Variants in INTS10 observed in about 807,000 individuals in gnomAD.
The protein encoded by INTS10 is integrator complex subunit 10.
In INTS10, 44 loss-of-function variants were observed where a neutral mutation model predicts 94.4. The observed-to-expected ratio is 0.47, with a 90% confidence interval of 0.37 to 0.60. The LOEUF (loss-of-function observed/expected upper bound fraction) is 0.60, where lower values mean the gene tolerates loss of function less well. INTS10 is among the 20% of genes least tolerant of loss of function. The probability of loss-of-function intolerance (pLI) is 0.00; values close to 1 mark genes in which losing one functional copy is unlikely to be tolerated. For missense variants in INTS10, 797 were observed against 868.7 expected, an observed-to-expected ratio of 0.92 and a Z score of 1.04; for synonymous variants, 341 against 320.7, an observed-to-expected ratio of 1.06 and a Z score of -0.68.
Position 19,849,352 on chromosome 8 carries a change from T to C in INTS10, c.1977-2297T>C. 2.6e-6 allele frequency: 1 copy of C among 391,220 alleles called. No homozygotes were observed. Among genetic ancestry groups the C allele is most frequent in the Non-Finnish European group, 4.5e-6 (1 of 223,226 alleles). The allele number at this position is 391,220 out of a possible 1,614,324, so 24.2% of individuals were successfully genotyped here. On this transcript the variant is annotated intron_variant, in intron 16 of 16. Coordinates refer to ENST00000397977, the MANE Select transcript of INTS10 (RefSeq NM_018142.4). This position sits in a 1 kb window ranked among gnomAD's most constrained non-coding sequence, Gnocchi z 4.6. ...CTCTTTTTCATGCTTTCTTTCTTTT[T>C]TAATTTGTTCCGCATTTTGGCAAAC...
chr8:19,836,269 A>G (rs567793847), intron 12 of INTS10, among the ~76,000 whole-genome samples: 6 of 152,228 alleles, frequency 3.9e-5, no homozygotes, highest in African/African-American at 1.4e-4. Context: ...ATAGAGAACA[A>G]AAGGGTTTGC....
At chr8:19,823,800 C>A in intron 6 of INTS10, 73 bp from the exon 7 acceptor site, 8 of 1,332,458 alleles carry the variant, frequency 6.0e-6, no homozygotes, top group Non-Finnish European at 8.2e-6. Context: ...GGGAGTCAGA[C>A]TTTCTTTATC....
chr8:19,833,390 C>T (rs1324411390), intron 12 of INTS10, 69 bp downstream of exon 12: 3 of 1,246,266 alleles, frequency 2.4e-6, no homozygotes, highest in Non-Finnish European at 3.2e-6. Flanking sequence ...CTTTCCCTAG[C>T]GTGGCTTTTC....
At chr8:19,829,985 C>T (rs1248794803) in intron 9 of INTS10, among the ~76,000 whole-genome samples, 2 of 152,070 alleles carry the variant, frequency 1.3e-5, no homozygotes. Context: ...TTAATTTTAT[C>T]CCAGTACATG....
At chr8:19,828,872 G>T (rs1163327660) in intron 9 of INTS10, among the ~76,000 whole-genome samples, 1 of 152,062 alleles carries the variant, frequency 6.6e-6, no homozygotes, top group African/African-American at 2.4e-5. Context: ...GACAGGTTTT[G>T]ATTGGAAAAG....
At chr8:19,825,638 G>A (rs370702705) in intron 8 of INTS10, among the ~76,000 whole-genome samples, 2 of 152,126 alleles carry the variant, frequency 1.3e-5, no homozygotes, top group Admixed American at 1.3e-4. Flanking sequence ...TATATAGAGA[G>A]TATATGCATA....
intron 13 of INTS10, among the ~76,000 whole-genome samples, chr8:19,840,062 CAAAAAAAAAA>C (rs56275270): frequency 4.3e-5 from 3 of 70,316 alleles, no homozygotes; most frequent in Middle Eastern, 0.013. Flanking sequence ...GACCTTGTCT[CAAAAAAAAAA>C]AAAAAAAAAA....
chr8:19,845,167 A>C (rs1182828854), intron 15 of INTS10, among the ~76,000 whole-genome samples: 4 of 152,194 alleles, frequency 2.6e-5, no homozygotes, highest in Admixed American at 2.6e-4. Flanking sequence ...TGTCATCGAC[A>C]TATTGCATAA....
rs1017073396 is a variant in INTS10 at position 19,842,968 on chromosome 8, C to A, written c.1719+41C>A. The A allele has an allele frequency of 6.4e-5, 84 of 1,305,452 alleles. No individual in the cohort carries two copies. The Admixed American group carries it at 1.2e-3, about 19-fold the overall frequency. 80.9% of individuals were successfully genotyped at this position (1,305,452 alleles called of 1,614,324 possible). On this transcript the variant is annotated intron_variant, in intron 14 of 16. Transcript: ENST00000397977. Reference sequence around the variant, plus strand: ...ATTAGCTTGAAAAAAAATGTAATTTCAAATATTATTCTCATGACTCGAGAA... The same window carrying A: ...ATTAGCTTGAAAAAAAATGTAATTTAAAATATTATTCTCATGACTCGAGAA...
chr8:19,822,755 T>G (rs979242125), intron 5 of INTS10, among the ~76,000 whole-genome samples: 3 of 151,938 alleles, frequency 2.0e-5, no homozygotes, highest in Admixed American at 6.6e-5. Flanking sequence ...ATCGAGACCA[T>G]CCTGGCCAAC....
In INTS10 at chr8:19,849,127, G is replaced by T. The variant is rs1290202753; in HGVS notation, c.1977-2522G>T. The T allele has an allele frequency of 9.2e-7, 1 of 1,089,210 alleles. No individual in the cohort carries two copies. Among genetic ancestry groups the T allele is most frequent in the South Asian group, 1.3e-5 (1 of 77,146 alleles). 67.5% of individuals were successfully genotyped at this position (1,089,210 alleles called of 1,614,324 possible). On this transcript the variant is annotated intron_variant, in intron 16 of 16. Transcript: ENST00000397977. This position sits in a 1 kb window ranked among gnomAD's most constrained non-coding sequence, Gnocchi z 4.6. ...TTGCAGTGCAGGGTGAGTCGGTGTGGGTGTTTGAATGCTGCTGTTTGCTGT... is the reference window on the plus strand; with the variant it reads ...TTGCAGTGCAGGGTGAGTCGGTGTGTGTGTTTGAATGCTGCTGTTTGCTGT...
chr8:19,838,837 C>T (rs940897497), intron 13 of INTS10, among the ~76,000 whole-genome samples: 1 of 151,228 alleles, frequency 6.6e-6, no homozygotes, highest in African/African-American at 2.4e-5. Context: ...TTTGGGAGGC[C>T]GAGGCAGGAG....
chr8:19,820,566 A>G (rs986401453), intron 4 of INTS10, 48 bp downstream of exon 4: 11 of 1,535,444 alleles, frequency 7.2e-6, no homozygotes, highest in Non-Finnish European at 9.8e-6. Flanking sequence ...ACAATGGGTC[A>G]TCAACAGATT....
rs1403588895 is a variant in INTS10 at position 19,852,063 on chromosome 8, T to G, written c.*258T>G. 6.4e-6 allele frequency: 2 copies of G among 313,438 alleles called. No homozygotes were observed. The highest frequency in any genetic ancestry group is 1.2e-5 in the Non-Finnish European group (2 of 170,756). 19.4% of individuals were successfully genotyped at this position (313,438 alleles called of 1,614,324 possible). On this transcript the variant is annotated 3_prime_UTR_variant, in exon 17 of 17. Coordinates refer to ENST00000397977, the MANE Select transcript of INTS10 (RefSeq NM_018142.4). The stretch of plus-strand genomic sequence containing the variant: ...TTGTAAATAAAAATCATCCTAAAAT[T>G]TGAAGTTTTTAAAAATTTAATTCTT...
chr8:19,822,379 A>C, intron 4 of INTS10, 60 bp from the exon 5 acceptor site: 1 of 975,822 alleles, frequency 1.0e-6, no homozygotes, highest in Non-Finnish European at 1.6e-6. Flanking sequence ...CCATTACTTC[A>C]TATAGTTCTG....
rs1347993917 is a variant in INTS10 at position 19,817,592 on chromosome 8, C to T, written c.55C>T (p.Pro19Ser). ...FLVQRARELV[P>S]QDLWAAKAWL... ...GGTGCAGCGAGCCCGGGAGTTGGTG[C>T]CGCAAGACCTGTGGGCAGCCAAGGC... Residue 19 changes from proline (P) to serine (S), a missense_variant, in exon 1 of 17, where the codon CCG (proline) becomes TCG (serine). Around this residue, in one of 3 missense-constraint regions of INTS10, gnomAD observed 734 missense variants for 787.8 expected, o/e 0.93. Transcript: ENST00000397977. 2.5e-6 allele frequency: 4 copies of T among 1,608,828 alleles called. No homozygotes were observed. The highest frequency in any genetic ancestry group is 1.7e-5 in the Admixed American group (1 of 59,512).
chr8:19,821,380 C>T (rs1247477754), intron 4 of INTS10: 2 of 152,260 alleles, frequency 1.3e-5, no homozygotes, highest in African/African-American at 4.8e-5. Context: ...GCAGCTTCAT[C>T]ACTCCTCCAA....
chr8:19,818,436 C>T, intron 2 of INTS10, 94 bp downstream of exon 2: 2 of 1,275,210 alleles, frequency 1.6e-6, no homozygotes, highest in Non-Finnish European at 1.1e-6. Flanking sequence ...GGAAGATCTT[C>T]AAGTTCATCT....
chr8:19,819,657 ACAAAC>A lies in INTS10; in HGVS notation c.284_288del (p.Gln95ProfsTer8), dbSNP rs2066211545. ...CATTAAGGAACGATTCACAGGACAA[ACAAAC>A]CCAATTTTTAAGAAGTAAGAATAAT... is the stretch of plus-strand genomic sequence containing the variant. On this transcript the variant is annotated frameshift_variant, in exon 3 of 17. Coordinates refer to ENST00000397977, the MANE Select transcript of INTS10 (RefSeq NM_018142.4). LOFTEE classifies it high-confidence loss of function. 1.2e-6 allele frequency: 2 copies of A among 1,612,466 alleles called. No homozygotes were observed. Among genetic ancestry groups the A allele is most frequent in the South Asian group, 2.2e-5 (2 of 90,970 alleles).
Sources: allele counts gnomAD v4.1 joint callset (sites outside exome capture counted in the v4.1 genomes callset), GRCh38; gene constraint gnomAD v4.1.1; regional missense constraint gnomAD v4.1.1; non-coding constraint Gnocchi (gnomAD v3.1); transcripts MANE v1.5; gene names NCBI Gene and HGNC (gene_info 2026-07-23, HGNC 2026-07-21).